The following ZNF518A variants were observed in gnomAD, a reference collection of about 807,000 sequenced individuals.
The protein encoded by ZNF518A is zinc finger protein 518A.
In ZNF518A, 47 loss-of-function variants were observed where a neutral mutation model predicts 102.7. That is an observed-to-expected ratio of 0.46 (90% CI 0.36 to 0.58). The LOEUF (loss-of-function observed/expected upper bound fraction) is 0.58, where lower values mean the gene tolerates loss of function less well. Among genes scored for constraint, ZNF518A ranks in the 20% least tolerant of loss-of-function variants. The pLI is 0.00. For synonymous variants in ZNF518A, 652 were observed against 594.6 expected (o/e 1.10, Z -1.40); for missense variants, 1,793 against 1,699.8 (o/e 1.05, Z -0.96).
At chr10:96,180,150 G>T (rs1346626164) in intron 1 of ZNF518A, among the ~76,000 whole-genome samples, 1 of 148,372 alleles carries the variant, frequency 6.7e-6, no homozygotes, top group Non-Finnish European at 1.5e-5. Context: ...AAAATGCTGG[G>T]GTTACAGGCA....
Position 96,158,442 on chromosome 10 carries a change from A to G in ZNF518A, c.2120A>G (p.Asp707Gly), listed in dbSNP as rs1554884667. 6.2e-7 allele frequency: 1 copy of G among 1,612,966 alleles called. No homozygotes were observed. Among genetic ancestry groups the G allele is most frequent in the South Asian group, 1.1e-5 (1 of 90,942 alleles). Residue 707 changes from aspartate to glycine, a missense_variant, in exon 6 of 6, where the codon GAT becomes GGT. Asp to Gly is a moderately conservative substitution (Grantham distance 94, BLOSUM62 -1). Transcript: ENST00000316045. Reference protein sequence around the residue: ...LASISLLNDKDGTLKAKSEIE... With the variant: ...LASISLLNDKGGTLKAKSEIE... The stretch of plus-strand genomic sequence containing the variant: ...TCTATTAGCCTTTTAAATGATAAAG[A>G]TGGAACTTTAAAAGCAAAATCTGAA...
Position 96,133,611 on chromosome 10 carries a change from C to T in ZNF518A, c.-339C>T, listed in dbSNP as rs1025294006. 2.0e-5 allele frequency: 3 copies of T among 152,130 alleles called. No homozygotes were observed. The highest frequency in any genetic ancestry group is 1.5e-5 in the Non-Finnish European group (1 of 68,006). 9.4% of individuals were successfully genotyped at this position (152,130 alleles called of 1,614,324 possible). A position where few individuals can be genotyped will look rare whatever the true frequency, so the allele number is the denominator to read the frequency against. On this transcript the variant is annotated 5_prime_UTR_variant, in exon 3 of 6. Transcript: ENST00000316045. ...CTGGGATCTTTGAAATGCTAAGATT[C>T]TTGGATACCACAGTATCATAAAATT...
chr10:96,186,397 A>T (rs1554892560), intron 1 of ZNF518A, among the ~76,000 whole-genome samples: 1 of 152,176 alleles, frequency 6.6e-6, no homozygotes, highest in East Asian at 1.9e-4. Flanking sequence ...ACAATAACAT[A>T]AAGTAGGTTG....
Position 96,163,135 on chromosome 10 carries a change from C to T in ZNF518A, c.*2361C>T, listed in dbSNP as rs985201512. The T allele has an allele frequency of 1.2e-5, 2 of 166,962 alleles. No homozygotes were observed. The highest frequency in any genetic ancestry group is 2.4e-5 in the African/African-American group (1 of 41,408). 10.3% of individuals were successfully genotyped at this position (166,962 alleles called of 1,614,324 possible). A position where few individuals can be genotyped will look rare whatever the true frequency, so the allele number is the denominator to read the frequency against. ...AATAGCCATATCAGGAAAATAATGTCGAGATATGTACTTCTTGCCTTTAAG... is the reference window on the plus strand; with the variant it reads ...AATAGCCATATCAGGAAAATAATGTTGAGATATGTACTTCTTGCCTTTAAG... On this transcript the variant is annotated 3_prime_UTR_variant, in exon 6 of 6. Coordinates refer to ENST00000316045, the MANE Select transcript of ZNF518A (RefSeq NM_001330736.2).
intron 1 of ZNF518A, among the ~76,000 whole-genome samples, chr10:96,185,207 C>G (rs1223630025): frequency 7.2e-5 from 11 of 152,178 alleles, no homozygotes; most frequent in African/African-American, 2.7e-4. Flanking sequence ...TTCGTCTAAT[C>G]TTTTTTCAAG....
downstream of ZNF518A, chr10:96,204,149 T>C: frequency 6.5e-7 from 1 of 1,543,528 alleles, no homozygotes; most frequent in Non-Finnish European, 9.0e-7. Flanking sequence ...GTTTGACTTT[T>C]TGTTTACACT....
chr10:96,181,248 C>CT (rs35211131), intron 1 of ZNF518A, among the ~76,000 whole-genome samples: 46,610 of 152,022 alleles, frequency 0.31, 8,230 homozygotes, highest in East Asian at 0.66. Context: ...GATATTAGCC[C>CT]TTTGTCAGAT....
downstream of ZNF518A, among the ~76,000 whole-genome samples, chr10:96,166,181 C>T (rs143286972): frequency 5.2e-3 from 799 of 152,292 alleles, 6 homozygotes; most frequent in South Asian, 0.013. Flanking sequence ...TGTCCAGGCT[C>T]CTAGCTGTTT....
At chr10:96,150,074 G>A (rs1554879880) in intron 3 of ZNF518A, among the ~76,000 whole-genome samples, 1 of 151,354 alleles carries the variant, frequency 6.6e-6, no homozygotes, top group African/African-American at 2.4e-5. Context: ...GCTGTAATCT[G>A]AGCACTTTGG....
chr10:96,185,641 G>T (rs1457659424), intron 1 of ZNF518A, among the ~76,000 whole-genome samples: 2 of 152,260 alleles, frequency 1.3e-5, no homozygotes, highest in Non-Finnish European at 2.9e-5. Context: ...AGCAGAGGCT[G>T]CAGAACAGCA....
Position 96,160,332 on chromosome 10 carries a change from T to A in ZNF518A, c.4010T>A (p.Leu1337His). Reference protein sequence around the residue: ...LRLFPFSSKQLVKCPRRNQPV... With the variant: ...LRLFPFSSKQHVKCPRRNQPV... ...CTTTTCCCTTTTAGTTCTAAACAGC[T>A]TGTGAAATGTCCTAGGAGAAACCAA... is the stretch of plus-strand genomic sequence containing the variant. Residue 1337 changes from leucine (L) to histidine (H), a missense_variant, in exon 6 of 6, where the codon CTT becomes CAT. By Grantham distance (99) the Leu-to-His change is moderately conservative. Around this residue, in one of 3 missense-constraint regions of ZNF518A, gnomAD observed 1,741 missense variants for 1,622.6 expected, o/e 1.07. Coordinates refer to ENST00000316045, the MANE Select transcript of ZNF518A (RefSeq NM_001330736.2). 1.9e-6 allele frequency: 3 copies of A among 1,613,724 alleles called. No individual in the cohort carries two copies. Among genetic ancestry groups the A allele is most frequent in the Non-Finnish European group, 2.5e-6 (3 of 1,179,688 alleles).
In ZNF518A at chr10:96,157,478, C is replaced by T. The variant is rs2082750797; in HGVS notation, c.1156C>T (p.Pro386Ser). Residue 386 changes from proline to serine, a missense_variant, in exon 6 of 6, where the codon CCT (proline) becomes TCT (serine). Physicochemically the swap from Pro to Ser is moderately conservative, Grantham distance 74. Transcript: ENST00000316045. ...ACACTGTGAGAATAATGATAAAGCC[C>T]CTGAATCAGAGTCAGAGAAGCCAAC... is the stretch of plus-strand genomic sequence containing the variant. ...RLHCENNDKA[P>S]ESESEKPTPL... The T allele has an allele frequency of 1.2e-6, 2 of 1,613,666 alleles. No individual in the cohort carries two copies. The highest frequency in any genetic ancestry group is 3.3e-4 in the Middle Eastern group (2 of 6,062).
At chr10:96,141,349 T>C (rs1554876439) in intron 3 of ZNF518A, among the ~76,000 whole-genome samples, 1 of 152,174 alleles carries the variant, frequency 6.6e-6, no homozygotes, top group African/African-American at 2.4e-5. Context: ...AGGTTACATG[T>C]CCCTATAAGA....
chr10:96,188,778 T>G lies in ZNF518A; in HGVS notation n.36-14796T>G, dbSNP rs1022273962. ...TGAATGTAAAAAATGCATATAAATT[T>G]TATTAGGTTTCTATGGCCGCCATAA... On this transcript the variant is annotated intron_variant and non_coding_transcript_variant, in intron 1 of 2. Transcript: ENST00000442635. Among the ~76,000 whole-genome samples, 3 of 152,112 alleles carry G rather than the reference T, an allele frequency of 2.0e-5. No homozygotes were observed. In the East Asian group the frequency reaches 5.8e-4, roughly 29 times the overall value.
At chr10:96,149,067 T>A (rs1196516510) in intron 3 of ZNF518A, among the ~76,000 whole-genome samples, 1 of 152,132 alleles carries the variant, frequency 6.6e-6, no homozygotes, top group Non-Finnish European at 1.5e-5. Context: ...TTTTAAAGCA[T>A]AATAAAAATA....
At chr10:96,149,794 C>T (rs947066652) in intron 3 of ZNF518A, among the ~76,000 whole-genome samples, 1 of 152,130 alleles carries the variant, frequency 6.6e-6, no homozygotes, top group African/African-American at 2.4e-5. Flanking sequence ...TCCATCCAGT[C>T]TTTTCTGCTT....
chr10:96,191,082 G>A (rs1390329976), intron 1 of ZNF518A, among the ~76,000 whole-genome samples: 2 of 152,096 alleles, frequency 1.3e-5, no homozygotes, highest in African/African-American at 4.8e-5. Flanking sequence ...TAGTGAGTAA[G>A]TCTCATGAGA....
At chr10:96,155,809 A>G (rs1329746640) in intron 4 of ZNF518A, 115 bp from the exon 5 acceptor site, 1 of 152,368 alleles carries the variant, frequency 6.6e-6, no homozygotes, top group African/African-American at 2.4e-5. Flanking sequence ...CATGTGTGTA[A>G]TTGGAACTTC....
chr10:96,156,230 A>G lies in ZNF518A; in HGVS notation c.-93A>G, dbSNP rs2082687495. On this transcript the variant is annotated 5_prime_UTR_variant, in exon 6 of 6. Coordinates refer to ENST00000316045, the MANE Select transcript of ZNF518A (RefSeq NM_001330736.2). The stretch of plus-strand genomic sequence containing the variant: ...TTGTGGGAAAAATCCTGTATATTGA[A>G]GATGTCTCTACACAGTATCGTTTCC... 14 of 1,203,722 alleles carry G rather than the reference A, an allele frequency of 1.2e-5. No homozygotes were observed. Among genetic ancestry groups the G allele is most frequent in the Non-Finnish European group, 8.9e-6 (8 of 897,100 alleles). 74.6% of individuals were successfully genotyped at this position (1,203,722 alleles called of 1,614,324 possible).
Sources: allele counts gnomAD v4.1 joint callset (sites outside exome capture counted in the v4.1 genomes callset), GRCh38; gene constraint gnomAD v4.1.1; regional missense constraint gnomAD v4.1.1; transcripts MANE v1.5; gene names NCBI Gene and HGNC (gene_info 2026-07-23, HGNC 2026-07-21).